Variants in WIPF2 observed in about 807,000 individuals in gnomAD.
WIPF2 encodes the protein WAS/WASL-interacting protein family member 2.
In WIPF2, 23 loss-of-function variants were observed where a neutral mutation model predicts 38.8. The observed-to-expected ratio is 0.59, with a 90% CI of 0.43 to 0.84. The LOEUF (loss-of-function observed/expected upper bound fraction) is 0.84. WIPF2 is among the 40% of genes least tolerant of loss of function. The pLI, the probability that WIPF2 is intolerant of heterozygous loss-of-function variation, is 0.00. For synonymous variants in WIPF2, 210 were observed against 223.2 expected (o/e 0.94, Z 0.53); for missense variants, 574 against 580.5 (o/e 0.99, Z 0.11).
At position 40,256,257 on chromosome 17, in the gene WIPF2, T is replaced by G. The variant is rs548633494; in HGVS notation, c.-69-134T>G. 7 of 648,838 alleles carry G rather than the reference T, an allele frequency of 1.1e-5. No homozygotes were observed. In the South Asian group the frequency reaches 1.4e-4, roughly 13 times the overall value. The allele number at this position is 648,838 out of a possible 1,614,324, so 40.2% of individuals were successfully genotyped here. ...TGATTTAAACAGATTTACCAAGCCC[T>G]GGACTGTATCACAGTGGAACTAAAA... On this transcript the variant is annotated intron_variant, in intron 1 of 7. Coordinates refer to ENST00000323571, the MANE Select transcript of WIPF2 (RefSeq NM_133264.5).
chr17:40,262,620 G>T lies in WIPF2; in HGVS notation c.292G>T (p.Val98Leu), dbSNP rs770917313. 6.2e-7 allele frequency: 1 copy of T among 1,613,872 alleles called. No homozygotes were observed. The highest frequency in any genetic ancestry group is 8.5e-7 in the Non-Finnish European group (1 of 1,179,834). Residue 98 changes from valine (V) to leucine (L), a missense_variant, in exon 4 of 8, where the codon GTG (valine) becomes TTG (leucine). Coordinates refer to ENST00000323571, the MANE Select transcript of WIPF2 (RefSeq NM_133264.5). Reference protein sequence around the residue: ...FQGGVLKLRPVGAKDGSENLA... With the variant: ...FQGGVLKLRPLGAKDGSENLA... Reference sequence around the variant, plus strand: ...AGGAGGAGTGCTGAAGCTTCGACCTGTGGGAGCCAAGGATGGTTCAGGTAT... The same window carrying T: ...AGGAGGAGTGCTGAAGCTTCGACCTTTGGGAGCCAAGGATGGTTCAGGTAT...
In WIPF2 at chr17:40,284,121, C is replaced by T. The variant is rs1043617791; in HGVS notation, c.*5896C>T. ...GTTATTAATATGGTTAATAAACTACCTATTTATTGATTGAATTGTTCCTCC... is the reference window on the plus strand; with the variant it reads ...GTTATTAATATGGTTAATAAACTACTTATTTATTGATTGAATTGTTCCTCC... On this transcript the variant is annotated 3_prime_UTR_variant, in exon 8 of 8. Transcript: ENST00000323571. 6.6e-6 allele frequency: 1 copy of T among 152,172 alleles called. No individual in the cohort carries two copies. The highest frequency in any genetic ancestry group is 1.5e-5 in the Non-Finnish European group (1 of 68,030). The allele number at this position is 152,172 out of a possible 1,614,324, so 9.4% of individuals were successfully genotyped here. A position where few individuals can be genotyped will look rare whatever the true frequency, so the allele number is the denominator to read the frequency against.
chr17:40,268,855 G>A (rs539965893), intron 5 of WIPF2, among the ~76,000 whole-genome samples: 3 of 152,064 alleles, frequency 2.0e-5, no homozygotes, highest in Non-Finnish European at 4.4e-5. Flanking sequence ...TTTTCTCACC[G>A]ATTCTCTTTT....
intron 1 of WIPF2, among the ~76,000 whole-genome samples, chr17:40,254,019 A>ATT (rs200675837): frequency 4.5e-4 from 64 of 141,644 alleles, no homozygotes; most frequent in South Asian, 4.1e-3. Flanking sequence ...TGCTGGTTTG[A>ATT]TTTTTTTTTT....
intron 1 of WIPF2, among the ~76,000 whole-genome samples, chr17:40,233,202 C>T (rs919353769): frequency 4.6e-5 from 7 of 152,062 alleles, no homozygotes; most frequent in Non-Finnish European, 8.8e-5. Context: ...TTCTATTCTC[C>T]TTAACTGCAT....
At chr17:40,238,325 A>G (rs1356670862) in intron 1 of WIPF2, among the ~76,000 whole-genome samples, 5 of 151,990 alleles carry the variant, frequency 3.3e-5, no homozygotes, top group East Asian at 3.9e-4. Context: ...TTTATTTGAG[A>G]TGGAGTCTGG....
At chr17:40,270,513 C>T (rs909130902) in intron 5 of WIPF2, among the ~76,000 whole-genome samples, 7 of 152,188 alleles carry the variant, frequency 4.6e-5, no homozygotes, top group Admixed American at 3.9e-4. Flanking sequence ...CATTCCAGGT[C>T]GTCTCATCGC....
At chr17:40,226,733 T>G (rs2030507956) in intron 1 of WIPF2, among the ~76,000 whole-genome samples, 1 of 152,164 alleles carries the variant, frequency 6.6e-6, no homozygotes. Flanking sequence ...ATTTTTTTAA[T>G]TTTTTAAATT....
chr17:40,224,231 C>CTTTTTTTTTTT (rs57637591), intron 1 of WIPF2, among the ~76,000 whole-genome samples: 48 of 110,114 alleles, frequency 4.4e-4, no homozygotes, highest in Non-Finnish European at 5.4e-4. Flanking sequence ...CTTTTCTTTT[C>CTTTTTTTTTTT]TTTTTTTTTT....
At chr17:40,263,541 A>C (rs1403326797) in intron 4 of WIPF2, among the ~76,000 whole-genome samples, 3 of 103,004 alleles carry the variant, frequency 2.9e-5, no homozygotes, top group Non-Finnish European at 4.0e-5. Context: ...TATTTTATTT[A>C]TTCGTCCCCC....
chr17:40,254,479 T>A (rs2031658967), intron 1 of WIPF2, among the ~76,000 whole-genome samples: 1 of 152,192 alleles, frequency 6.6e-6, no homozygotes, highest in Non-Finnish European at 1.5e-5. Context: ...AAAAATGGGA[T>A]TTCCTTAAAA....
intron 3 of WIPF2, among the ~76,000 whole-genome samples, chr17:40,261,523 T>C (rs1217180112): frequency 6.6e-6 from 1 of 151,734 alleles, no homozygotes; most frequent in East Asian, 1.9e-4. Flanking sequence ...GGTCTTGACC[T>C]CCTGACCTCA....
Position 40,264,658 on chromosome 17 carries a change from G to A in WIPF2, c.482G>A (p.Arg161Gln), listed in dbSNP as rs1465801704. ...AGACCCTCTTTACCGGACCTCTCTC[G>A]GCCTAATACCACCAGCAGTACGGGC... is the stretch of plus-strand genomic sequence containing the variant. ...MQRPSLPDLS[R>Q]PNTTSSTGMK... is the part of the protein sequence containing the mutation. Residue 161 changes from arginine to glutamine, a missense_variant, in exon 5 of 8, where the codon CGG becomes CAG. Coordinates refer to ENST00000323571, the MANE Select transcript of WIPF2 (RefSeq NM_133264.5). 2.2e-5 allele frequency: 36 copies of A among 1,613,476 alleles called. No individual in the cohort carries two copies. The highest frequency in any genetic ancestry group is 2.8e-5 in the Non-Finnish European group (33 of 1,179,768).
At chr17:40,252,490 C>A (rs1473751992) in intron 1 of WIPF2, among the ~76,000 whole-genome samples, 1 of 151,922 alleles carries the variant, frequency 6.6e-6, no homozygotes, top group East Asian at 1.9e-4. Context: ...TTGGTGAAAC[C>A]CCGTCTCTAC....
chr17:40,253,065 CTT>C (rs767389253), intron 1 of WIPF2, among the ~76,000 whole-genome samples: 5 of 130,550 alleles, frequency 3.8e-5, no homozygotes, highest in African/African-American at 2.9e-5. Context: ...CGCGCCTGGA[CTT>C]TTTTTTTTTT....
At position 40,278,178 on chromosome 17, in the gene WIPF2, T is replaced by C. The variant is rs1414929805; in HGVS notation, c.1283-7T>C. The stretch of plus-strand genomic sequence containing the variant: ...ATGTGTGTGGTCTTTATTTTGTTTT[T>C]TTTCAGCTGCCCGTGGAGCCCCACC... On this transcript the variant is annotated splice_region_variant and splice_polypyrimidine_tract_variant and intron_variant, in intron 7 of 7. Coordinates refer to ENST00000323571, the MANE Select transcript of WIPF2 (RefSeq NM_133264.5). 1 of 1,612,438 alleles carries C rather than the reference T, an allele frequency of 6.2e-7. No individual in the cohort carries two copies. Among genetic ancestry groups the C allele is most frequent in the Non-Finnish European group, 8.5e-7 (1 of 1,179,362 alleles).
chr17:40,219,377 C>T lies in WIPF2; in HGVS notation c.-185C>T, dbSNP rs1381643044. 4 of 401,228 alleles carry T rather than the reference C, an allele frequency of 1.0e-5. No individual in the cohort carries two copies. The highest frequency in any genetic ancestry group is 3.9e-5 in the Admixed American group (1 of 25,562). The allele number at this position is 401,228 out of a possible 1,614,324, so 24.9% of individuals were successfully genotyped here. On this transcript the variant is annotated 5_prime_UTR_variant, in exon 1 of 8. Transcript: ENST00000323571. ...TTGGCAAAAGGGGCGGTGGCGGCGG[C>T]GGCGGCGGCGGCGGCGGCGGCGACG...
intron 1 of WIPF2, chr17:40,220,587 A>ATATATATATATATG (rs2030152080): frequency 3.1e-5 from 2 of 64,638 alleles, no homozygotes; most frequent in Non-Finnish European, 6.0e-5. Context: ...ATATATATAT[A>ATATATATATATATG]TATATATATA....
chr17:40,235,860 C>CA (rs1331044715), intron 1 of WIPF2, among the ~76,000 whole-genome samples: 1 of 151,680 alleles, frequency 6.6e-6, no homozygotes, highest in East Asian at 1.9e-4. Flanking sequence ...AGGCATGAGC[C>CA]ACCGCGCCTG....
Sources: allele counts gnomAD v4.1 joint callset (sites outside exome capture counted in the v4.1 genomes callset), GRCh38; gene constraint gnomAD v4.1.1; transcripts MANE v1.5; gene names NCBI Gene and HGNC (gene_info 2026-07-23, HGNC 2026-07-21).